Variants in TRPC1 observed in about 807,000 individuals in gnomAD.
TRPC1 encodes short transient receptor potential channel 1.
A neutral mutation model predicts 88.2 loss-of-function variants in TRPC1; 42 were observed. The observed-to-expected ratio is 0.48, with a 90% confidence interval of 0.37 to 0.62. The LOEUF (loss-of-function observed/expected upper bound fraction) is 0.62, where lower values mean the gene tolerates loss of function less well. TRPC1 is among the 20% of genes least tolerant of loss of function. TRPC1 has a pLI of 0.00. For synonymous variants in TRPC1, 288 were observed against 331.8 expected (o/e 0.87, Z 1.43); for missense variants, 699 against 957.3 (o/e 0.73, Z 3.56).
rs1433850176 is a variant in TRPC1 at position 142,807,504 on chromosome 3, C to G, written c.*1269C>G. 6.6e-6 allele frequency: 1 copy of G among 152,190 alleles called. No homozygotes were observed. The highest frequency in any genetic ancestry group is 6.5e-5 in the Admixed American group (1 of 15,278). The allele number at this position is 152,190 out of a possible 1,614,324, so 9.4% of individuals were successfully genotyped here. On this transcript the variant is annotated 3_prime_UTR_variant, in exon 13 of 13. Transcript: ENST00000476941. ...TCTTCTTAACCGAATGTCAGATGGT[C>G]TTACGCCACAGGGTGCAGGTAACCC... is the stretch of plus-strand genomic sequence containing the variant.
rs150159443 is a variant in TRPC1, at chr3:142,794,726, C to T, written c.1581+1759C>T. Among the ~76,000 whole-genome samples the T allele has an allele frequency of 5.9e-5, 9 of 152,190 alleles. No individual in the cohort carries two copies. The East Asian group carries it at 1.2e-3, about 20-fold the overall frequency. ...GCATATGCATGTGAGGACACTACCTCGGGCAGGGAAAGAACCATCTCATCC... is the reference window on the plus strand; with the variant it reads ...GCATATGCATGTGAGGACACTACCTTGGGCAGGGAAAGAACCATCTCATCC... On this transcript the variant is annotated intron_variant, in intron 9 of 12. Transcript: ENST00000476941.
intron 4 of TRPC1, among the ~76,000 whole-genome samples, chr3:142,756,770 A>T (rs372467756): frequency 7.9e-5 from 12 of 152,176 alleles, no homozygotes; most frequent in African/African-American, 1.4e-4. Context: ...GGTTTTAAAA[A>T]TTTTTTTATT....
chr3:142,727,648 CT>C lies in TRPC1; in HGVS notation c.172+2918del, dbSNP rs1933737492. On this transcript the variant is annotated intron_variant, in intron 1 of 12. Transcript: ENST00000476941. ...AAAGGAAAACCTTAATTGAAAGTTA[CT>C]GTGCCAGCAATATATAAAGTGAAGT... Among the ~76,000 whole-genome samples, 5 of 152,212 alleles carry C rather than the reference CT, an allele frequency of 3.3e-5. No individual in the cohort carries two copies. The South Asian group carries it at 8.3e-4, about 25-fold the overall frequency.
Position 142,736,415 on chromosome 3 carries a change from A to G in TRPC1, c.209A>G (p.Asn70Ser). 6.2e-7 allele frequency: 1 copy of G among 1,610,012 alleles called. No individual in the cohort carries two copies. Residue 70 changes from asparagine (N) to serine (S), a missense_variant, in exon 2 of 13, where the codon AAC becomes AGC. Coordinates refer to ENST00000476941, the MANE Select transcript of TRPC1 (RefSeq NM_001251845.2). ...YYMVKKILEE[N>S]SSGDLNINCV... ...ATGGTTAAAAAGATTTTGGAGGAAA[A>G]CAGTTCAGGTGACTTGAACATAAAT...
chr3:142,792,903 A>G lies in TRPC1; in HGVS notation c.1517A>G (p.Asn506Ser), dbSNP rs778416550. Residue 506 changes from asparagine (N) to serine (S), a missense_variant, in exon 9 of 13, where the codon AAT becomes AGT. Asn to Ser is a conservative substitution (Grantham distance 46). Around this residue, in one of 4 missense-constraint regions of TRPC1, gnomAD observed 426 missense variants for 641.3 expected, o/e 0.66. Coordinates refer to ENST00000476941, the MANE Select transcript of TRPC1 (RefSeq NM_001251845.2). This position sits in a 1 kb window ranked among gnomAD's most constrained non-coding sequence, Gnocchi z 4.0. ...GCAGAAGGGCTTTTTGCATTTGCAAATGTTCTAAGTTATCTTCGTCTCTTT... is the reference window on the plus strand; with the variant it reads ...GCAGAAGGGCTTTTTGCATTTGCAAGTGTTCTAAGTTATCTTCGTCTCTTT... ...LVAEGLFAFA[N>S]VLSYLRLFFM... 6.2e-6 allele frequency: 10 copies of G among 1,610,582 alleles called. No individual in the cohort carries two copies. Among genetic ancestry groups the G allele is most frequent in the African/African-American group, 1.3e-5 (1 of 74,640 alleles).
chr3:142,732,260 C>A (rs1933952019), intron 1 of TRPC1, among the ~76,000 whole-genome samples: 1 of 152,062 alleles, frequency 6.6e-6, no homozygotes, highest in African/African-American at 2.4e-5. Context: ...TAGGCTCCTA[C>A]CCTCCCTGGA....
At chr3:142,763,977 TATATATACACATACATACATAC>T (rs1302058724) in intron 4 of TRPC1, among the ~76,000 whole-genome samples, 2,666 of 73,046 alleles carry the variant, frequency 0.036, 222 homozygotes, top group African/African-American at 0.22. Context: ...TATATATATA[TATATATACACATACATACATAC>T]ATATATATAT....
intron 4 of TRPC1, among the ~76,000 whole-genome samples, chr3:142,758,157 A>C (rs1013599935): frequency 6.6e-6 from 1 of 151,740 alleles, no homozygotes; most frequent in African/African-American, 2.4e-5. Flanking sequence ...TTTTTGAAGA[A>C]CCTCCATACT....
chr3:142,777,406 TA>T (rs1315208279), intron 4 of TRPC1, among the ~76,000 whole-genome samples: 2 of 152,122 alleles, frequency 1.3e-5, no homozygotes, highest in Admixed American at 6.6e-5. Flanking sequence ...AAAGAGACAG[TA>T]AAAAAATTTT....
At chr3:142,794,949 C>G (rs934800031) in intron 9 of TRPC1, among the ~76,000 whole-genome samples, 1 of 151,948 alleles carries the variant, frequency 6.6e-6, no homozygotes, top group Non-Finnish European at 1.5e-5. Flanking sequence ...GACTCTTCAG[C>G]AGTTATTATT....
At chr3:142,726,621 A>G (rs753531807) in intron 1 of TRPC1, among the ~76,000 whole-genome samples, 1 of 152,368 alleles carries the variant, frequency 6.6e-6, no homozygotes, top group Non-Finnish European at 1.5e-5. Flanking sequence ...GAAAAATAGC[A>G]TAATTCTTAC....
chr3:142,793,637 C>G (rs1936364023), intron 9 of TRPC1, among the ~76,000 whole-genome samples: 1 of 151,984 alleles, frequency 6.6e-6, no homozygotes, highest in Admixed American at 6.6e-5. Flanking sequence ...TAATTGGTTG[C>G]ATTTACCCCA....
At position 142,766,081 on chromosome 3, in the gene TRPC1, G is replaced by A. The variant is rs183508369; in HGVS notation, c.633-11551G>A. Among the ~76,000 whole-genome samples the A allele has an allele frequency of 5.3e-4, 81 of 151,794 alleles. 1 individual carries two copies. The highest frequency in any genetic ancestry group is 6.8e-3 in the Middle Eastern group (2 of 292). Reference sequence around the variant, plus strand: ...GGCAAGGTTATGGAGAAAAAGGAACGCTTATGTGTCTATATTTACATCAAT... The same window carrying A: ...GGCAAGGTTATGGAGAAAAAGGAACACTTATGTGTCTATATTTACATCAAT... On this transcript the variant is annotated intron_variant, in intron 4 of 12. Transcript: ENST00000476941.
intron 1 of TRPC1, among the ~76,000 whole-genome samples, chr3:142,731,387 T>TC (rs1933901405): frequency 7.3e-6 from 1 of 136,978 alleles, no homozygotes. Context: ...TTTTTTTTTT[T>TC]TTTTTTTTTT....
At chr3:142,747,993 C>A (rs1934620824) in intron 3 of TRPC1, among the ~76,000 whole-genome samples, 1 of 152,126 alleles carries the variant, frequency 6.6e-6, no homozygotes, top group Non-Finnish European at 1.5e-5. Flanking sequence ...GATATTCTCA[C>A]TTCTTTGTTG....
chr3:142,769,459 T>C (rs1459519384), intron 4 of TRPC1, among the ~76,000 whole-genome samples: 1 of 152,086 alleles, frequency 6.6e-6, no homozygotes. Context: ...TCCAAAAGCA[T>C]TGGGATTATA....
chr3:142,783,027 A>C (rs1447439332), intron 6 of TRPC1, among the ~76,000 whole-genome samples: 1 of 152,206 alleles, frequency 6.6e-6, no homozygotes, highest in Non-Finnish European at 1.5e-5. Flanking sequence ...TAAATCAATC[A>C]CAAGCCTGTT....
intron 1 of TRPC1, among the ~76,000 whole-genome samples, chr3:142,729,506 A>G (rs1005658448): frequency 7.9e-5 from 12 of 152,136 alleles, no homozygotes; most frequent in African/African-American, 2.9e-4. Flanking sequence ...AATGGCCTAT[A>G]TGTGATTTGG....
In TRPC1 at chr3:142,777,128, T is replaced by G. The variant is rs1935802823; in HGVS notation, c.633-504T>G. ...GGAGCTTAAGACTAGCTGGGCCACA[T>G]AGCATGACCCTGTCTCTATAAAAAT... is the stretch of plus-strand genomic sequence containing the variant. On this transcript the variant is annotated intron_variant, in intron 4 of 12. Coordinates refer to ENST00000476941, the MANE Select transcript of TRPC1 (RefSeq NM_001251845.2). Among the ~76,000 whole-genome samples the G allele has an allele frequency of 2.0e-5, 3 of 152,168 alleles. No homozygotes were observed. In the South Asian group the frequency reaches 6.2e-4, roughly 32 times the overall value.
Sources: allele counts gnomAD v4.1 joint callset (sites outside exome capture counted in the v4.1 genomes callset), GRCh38; gene constraint gnomAD v4.1.1; regional missense constraint gnomAD v4.1.1; non-coding constraint Gnocchi (gnomAD v3.1); transcripts MANE v1.5; gene names NCBI Gene and HGNC (gene_info 2026-07-23, HGNC 2026-07-21).